The following GABRA3 variants were observed in gnomAD, a reference collection of about 807,000 sequenced individuals.
GABRA3 encodes the protein gamma-aminobutyric acid receptor subunit alpha-3.
Under a neutral mutation model 30.1 loss-of-function variants are expected in GABRA3, and 10 were observed. That is an observed-to-expected ratio of 0.33 (90% CI 0.20 to 0.56). The LOEUF is 0.56. Ranked by LOEUF, GABRA3 falls within the 20% of genes least tolerant of loss-of-function variation. The probability of loss-of-function intolerance (pLI) is 0.89; values close to 1 mark genes in which losing one functional copy is unlikely to be tolerated. For synonymous variants in GABRA3, 151 were observed against 146.8 expected (o/e 1.03, Z -0.21); for missense variants, 233 against 392.0 (o/e 0.59, Z 3.42).
chrX:152,304,148 GT>G (rs1362642721), intron 3 of GABRA3, among the ~76,000 whole-genome samples: 1 of 111,440 alleles, frequency 9.0e-6, no homozygotes, highest in Non-Finnish European at 1.9e-5. Context: ...TTTTAATGGA[GT>G]TGTTTTTTGC....
intron 3 of GABRA3, among the ~76,000 whole-genome samples, chrX:152,301,524 A>T (rs777120887): frequency 4.5e-5 from 5 of 111,174 alleles, no homozygotes; most frequent in Admixed American, 1.9e-4. Flanking sequence ...ACCTTGTCCT[A>T]TGTTTTTTTG....
intron 1 of GABRA3, among the ~76,000 whole-genome samples, chrX:152,368,701 C>CTTTTTTT (rs59912352): frequency 4.0e-5 from 2 of 49,561 alleles, no homozygotes; most frequent in East Asian, 7.1e-4. Flanking sequence ...AATTTTTTTT[C>CTTTTTTT]TTTTTTTTTT....
intron 1 of GABRA3, among the ~76,000 whole-genome samples, chrX:152,445,053 T>A: frequency 2.5e-5 from 1 of 40,285 alleles, no homozygotes; most frequent in Non-Finnish European, 3.8e-5. Flanking sequence ...AGAGTGAGAC[T>A]CCGTCTCAAA....
intron 1 of GABRA3, among the ~76,000 whole-genome samples, chrX:152,400,337 GATAAATAA>G (rs769543980): frequency 9.2e-6 from 1 of 108,277 alleles, no homozygotes; most frequent in Non-Finnish European, 1.9e-5. Context: ...TACATAAATA[GATAAATAA>G]ATAAATAAAT....
intron 1 of GABRA3, among the ~76,000 whole-genome samples, chrX:152,424,207 A>G (rs765512381): frequency 7.7e-4 from 86 of 111,165 alleles, no homozygotes; most frequent in Non-Finnish European, 8.7e-4. Flanking sequence ...ACCCAACTGC[A>G]GAATCAGAAA....
At chrX:152,173,563 C>T (rs777664224) in intron 9 of GABRA3, among the ~76,000 whole-genome samples, 1 of 111,019 alleles carries the variant, frequency 9.0e-6, no homozygotes, top group African/African-American at 3.3e-5. Context: ...TCTCTTGCCT[C>T]AGCCTCCTGA....
chrX:152,366,466 T>C (rs915437739), intron 1 of GABRA3, among the ~76,000 whole-genome samples: 10 of 112,151 alleles, frequency 8.9e-5, no homozygotes, highest in Non-Finnish European at 1.9e-4. Context: ...GCTATTCTAC[T>C]ATATCACTAT....
intron 6 of GABRA3, among the ~76,000 whole-genome samples, chrX:152,208,862 C>G (rs965267959): frequency 1.1e-4 from 12 of 111,582 alleles, no homozygotes; most frequent in African/African-American, 3.9e-4. Context: ...CCCCCCATAA[C>G]CATGAACCAA....
chrX:152,240,951 T>C (rs1477341959), intron 5 of GABRA3, among the ~76,000 whole-genome samples: 1 of 99,244 alleles, frequency 1.0e-5, no homozygotes, highest in African/African-American at 3.7e-5. Context: ...TGTCCTCCCG[T>C]AGCTCAGAGT....
intron 1 of GABRA3, among the ~76,000 whole-genome samples, chrX:152,435,527 T>C (rs1269346759): frequency 9.9e-6 from 1 of 101,305 alleles, no homozygotes; most frequent in African/African-American, 3.8e-5. Context: ...TTCTCACTCA[T>C]AAGGGGGAGT....
At position 152,177,566 on chromosome X, in the gene GABRA3, GAAA is replaced by G. The variant is rs72056570; in HGVS notation, c.1144-9006_1144-9004del. Among the ~76,000 whole-genome samples, 248 of 95,592 alleles carry G rather than the reference GAAA, an allele frequency of 2.6e-3. 1 individual carries two copies. The highest frequency in any genetic ancestry group is 5.8e-3 in the African/African-American group (155 of 26,674). 83.0% of individuals were successfully genotyped at this position (95,592 alleles called of 115,157 possible). ...GCTGACTTACTGTCACTGTTTTTCT[GAAA>G]AAAAAAAAAAATACAAAAAACAAAA... On this transcript the variant is annotated intron_variant, in intron 9 of 9. Transcript: ENST00000370314.
At chrX:152,169,113 C>T (rs1219537920) in intron 9 of GABRA3, among the ~76,000 whole-genome samples, 1 of 112,137 alleles carries the variant, frequency 8.9e-6, no homozygotes, top group African/African-American at 3.2e-5. Context: ...CTATAGGCCC[C>T]GGACACTTTT....
rs193096701 is a variant in GABRA3 at position 152,229,018 on chromosome X, G to A, written c.552-4173C>T. Among the ~76,000 whole-genome samples, 189 of 111,225 alleles carry A rather than the reference G, an allele frequency of 1.7e-3. 1 individual carries two copies. Among genetic ancestry groups the A allele is most frequent in the African/African-American group, 6.0e-3 (185 of 30,660 alleles). On this transcript the variant is annotated intron_variant, in intron 5 of 9. Transcript: ENST00000370314. ...AAAAAATAATTTCAAAGAGAAAGCT[G>A]GGGCAGAATCAGAGCCTTTAAGTGA...
intron 1 of GABRA3, among the ~76,000 whole-genome samples, chrX:152,367,750 C>T (rs1354482177): frequency 1.8e-5 from 2 of 111,236 alleles, no homozygotes; most frequent in South Asian, 7.7e-4. Context: ...CAGATATCCA[C>T]CCCCACACAC....
intron 1 of GABRA3, among the ~76,000 whole-genome samples, chrX:152,435,145 T>A (rs1385155763): frequency 8.9e-6 from 1 of 112,123 alleles, no homozygotes; most frequent in East Asian, 2.8e-4. Flanking sequence ...AGCATACTCA[T>A]CTGTGTAGAA....
At chrX:152,274,351 C>A (rs992461415) in intron 4 of GABRA3, among the ~76,000 whole-genome samples, 2 of 110,397 alleles carry the variant, frequency 1.8e-5, no homozygotes, top group African/African-American at 6.6e-5. Context: ...CTACTTAACA[C>A]TTAGTAAAAC....
At chrX:152,266,936 T>A (rs1027032211) in intron 4 of GABRA3, among the ~76,000 whole-genome samples, 1 of 111,222 alleles carries the variant, frequency 9.0e-6, no homozygotes, top group Non-Finnish European at 1.9e-5. Flanking sequence ...TGAATTATCA[T>A]GAAAAGAACT....
chrX:152,365,011 T>C (rs1351711188), intron 1 of GABRA3, among the ~76,000 whole-genome samples: 2 of 111,791 alleles, frequency 1.8e-5, no homozygotes, highest in African/African-American at 6.5e-5. Flanking sequence ...ATGTCTTCAT[T>C]TTATTTCCCT....
At chrX:152,401,287 TACAC>T (rs747920658) in intron 1 of GABRA3, among the ~76,000 whole-genome samples, 2 of 100,226 alleles carry the variant, frequency 2.0e-5, no homozygotes, top group African/African-American at 7.1e-5. Context: ...TATATATATA[TACAC>T]ACACACACAC....
Sources: allele counts gnomAD v4.1 joint callset (sites outside exome capture counted in the v4.1 genomes callset), GRCh38; gene constraint gnomAD v4.1.1; transcripts MANE v1.5; gene names NCBI Gene and HGNC (gene_info 2026-07-23, HGNC 2026-07-21).